The following KCNT2 variants were observed in gnomAD, a reference collection of about 807,000 sequenced individuals.
The protein encoded by KCNT2 is potassium channel subfamily T member 2.
Under a neutral mutation model 153.8 loss-of-function variants are expected in KCNT2, and 67 were observed. The observed-to-expected ratio is 0.44, with a 90% CI of 0.36 to 0.53. The LOEUF (loss-of-function observed/expected upper bound fraction) is 0.53. Ranked by LOEUF, KCNT2 falls within the 20% of genes least tolerant of loss-of-function variation. The probability of loss-of-function intolerance (pLI) is 0.00; values close to 1 mark genes in which losing one functional copy is unlikely to be tolerated. For synonymous variants in KCNT2, 500 were observed against 458.8 expected (o/e 1.09, Z -1.15); for missense variants, 975 against 1,354.8 (o/e 0.72, Z 4.40).
At chr1:196,349,132 A>T (rs188230878) in intron 14 of KCNT2, among the ~76,000 whole-genome samples, 1 of 152,154 alleles carries the variant, frequency 6.6e-6, no homozygotes, top group Non-Finnish European at 1.5e-5. Context: ...TATGCCCTCA[A>T]CAAATGTCTT....
At chr1:196,508,291 A>T (rs1261224385) in intron 1 of KCNT2, among the ~76,000 whole-genome samples, 1 of 151,574 alleles carries the variant, frequency 6.6e-6, no homozygotes, top group East Asian at 1.9e-4. Context: ...AATATTAAAA[A>T]ATTTTAACCT....
rs531070526 is a variant in KCNT2, at chr1:196,303,236, T to C, written c.2595+1998A>G. Among the ~76,000 whole-genome samples the C allele has an allele frequency of 1.2e-3, 190 of 152,282 alleles. 1 individual carries two copies. In the Middle Eastern group the frequency reaches 0.034, roughly 27 times the overall value. On this transcript the variant is annotated intron_variant, in intron 22 of 27. Coordinates refer to ENST00000294725, the MANE Select transcript of KCNT2 (RefSeq NM_198503.5). ...TTCTTGTGGGCCTTGGGGTATCTTT[T>C]TGAAATGTGAACATCAAGGAGGAAG...
intron 8 of KCNT2, among the ~76,000 whole-genome samples, chr1:196,430,072 C>G (rs1441798956): frequency 6.6e-6 from 1 of 151,966 alleles, no homozygotes; most frequent in Admixed American, 6.6e-5. Context: ...CACAAGAAAT[C>G]GCTACCTCTA....
chr1:196,564,384 A>T (rs4314834), intron 1 of KCNT2, among the ~76,000 whole-genome samples: 1 of 151,738 alleles, frequency 6.6e-6, no homozygotes, highest in African/African-American at 2.4e-5. Flanking sequence ...TTGCATGTTC[A>T]TGGAATATAA....
At chr1:196,516,168 A>G (rs746009770) in intron 1 of KCNT2, among the ~76,000 whole-genome samples, 1 of 152,074 alleles carries the variant, frequency 6.6e-6, no homozygotes, top group Non-Finnish European at 1.5e-5. Context: ...GATAAGACCC[A>G]CTGGCTTGGA....
chr1:196,541,485 T>C (rs2148873785), intron 1 of KCNT2, among the ~76,000 whole-genome samples: 1 of 152,244 alleles, frequency 6.6e-6, no homozygotes, highest in East Asian at 1.9e-4. Flanking sequence ...GAAAATCAAA[T>C]GTCAGTGTCC....
intron 26 of KCNT2, among the ~76,000 whole-genome samples, chr1:196,249,794 T>G (rs958238500): frequency 5.3e-5 from 8 of 151,596 alleles, no homozygotes; most frequent in Admixed American, 2.0e-4. Context: ...AAAAAGTTAG[T>G]ATTTTTATAT....
chr1:196,485,117 T>TA (rs1679317556), intron 3 of KCNT2, among the ~76,000 whole-genome samples: 1 of 152,062 alleles, frequency 6.6e-6, no homozygotes, highest in African/African-American at 2.4e-5. Context: ...TATGCAGTCA[T>TA]AAAAAGGAAT....
rs1375745263 is a variant in KCNT2 at position 196,529,395 on chromosome 1, C to A, written c.96-37054G>T. Among the ~76,000 whole-genome samples the A allele has an allele frequency of 6.3e-4, 96 of 152,154 alleles. 1 individual carries two copies. Among genetic ancestry groups the A allele is most frequent in the Admixed American group, 6.3e-3 (96 of 15,270 alleles). ...GATGTTACAGCTTACCCTACAGTAC[C>A]TTTTTCTTGAATCAGATATTGACGG... is the stretch of plus-strand genomic sequence containing the variant. On this transcript the variant is annotated intron_variant, in intron 1 of 27. Coordinates refer to ENST00000294725, the MANE Select transcript of KCNT2 (RefSeq NM_198503.5).
chr1:196,607,931 T>A (rs1665500020), intron 1 of KCNT2, among the ~76,000 whole-genome samples: 2 of 152,090 alleles, frequency 1.3e-5, no homozygotes, highest in African/African-American at 2.4e-5. Context: ...CTTATACACA[T>A]CCTAGAAAAG....
At chr1:196,443,314 C>T (rs1445899167) in intron 8 of KCNT2, among the ~76,000 whole-genome samples, 1 of 151,422 alleles carries the variant, frequency 6.6e-6, no homozygotes, top group African/African-American at 2.4e-5. Flanking sequence ...TTTATTTGGT[C>T]ATCATTTTCA....
intron 12 of KCNT2, among the ~76,000 whole-genome samples, chr1:196,418,187 C>T (rs927108768): frequency 7.2e-5 from 11 of 151,764 alleles, no homozygotes; most frequent in African/African-American, 2.7e-4. Context: ...AAAAATACCC[C>T]AGATTTGGCT....
intron 22 of KCNT2, 91 bp from the exon 23 acceptor site, chr1:196,285,849 T>C (rs1479597258): frequency 6.9e-6 from 5 of 728,714 alleles, no homozygotes; most frequent in Non-Finnish European, 1.2e-5. Context: ...ACGTAAAAAG[T>C]TCTCATCATA....
At chr1:196,544,249 A>G (rs1242880628) in intron 1 of KCNT2, among the ~76,000 whole-genome samples, 1 of 152,124 alleles carries the variant, frequency 6.6e-6, no homozygotes, top group African/African-American at 2.4e-5. Context: ...AAAGTGAAAA[A>G]AGAAATATAC....
intron 22 of KCNT2, among the ~76,000 whole-genome samples, chr1:196,292,813 A>C (rs1220975536): frequency 4.7e-5 from 1 of 21,126 alleles, no homozygotes; most frequent in Non-Finnish European, 9.4e-5. Flanking sequence ...CTCTGTCTCA[A>C]AAAAAAAAAA....
chr1:196,457,140 T>C (rs1305874125), intron 8 of KCNT2, among the ~76,000 whole-genome samples: 1 of 151,844 alleles, frequency 6.6e-6, no homozygotes, highest in African/African-American at 2.4e-5. Flanking sequence ...AAGATAAAAC[T>C]GATTTAAAAG....
chr1:196,522,001 CATAA>C (rs911025035), intron 1 of KCNT2, among the ~76,000 whole-genome samples: 30 of 151,124 alleles, frequency 2.0e-4, no homozygotes, highest in African/African-American at 6.2e-4. Context: ...GTCAGGAATT[CATAA>C]ATAGATTCAT....
intron 3 of KCNT2, among the ~76,000 whole-genome samples, chr1:196,484,316 T>C (rs1679245198): frequency 6.6e-6 from 1 of 152,040 alleles, no homozygotes; most frequent in South Asian, 2.1e-4. Flanking sequence ...GCTGTGTAAA[T>C]GTCTTTTTTT....
chr1:196,577,247 C>A (rs530206526), intron 1 of KCNT2, among the ~76,000 whole-genome samples: 2 of 152,194 alleles, frequency 1.3e-5, no homozygotes, highest in East Asian at 1.9e-4. Context: ...TGACAACATA[C>A]GCACACACAA....
Sources: gnomAD v4.1 joint callset for allele counts (sites outside exome capture counted in the v4.1 genomes callset) on GRCh38, gnomAD v4.1.1 for gene constraint, MANE v1.5 for transcripts, NCBI Gene and HGNC (gene_info 2026-07-23, HGNC 2026-07-21) for gene names.